Variants in TBC1D15 observed in about 807,000 individuals in gnomAD.
TBC1D15 encodes TBC1 domain family member 15.
Under a neutral mutation model 95.4 loss-of-function variants are expected in TBC1D15, and 39 were observed. That is an observed-to-expected ratio of 0.41 (90% CI 0.32 to 0.53). TBC1D15 has a LOEUF of 0.53. Ranked by LOEUF, TBC1D15 falls within the 20% of genes least tolerant of loss-of-function variation. TBC1D15 has a pLI of 0.29. For missense variants in TBC1D15, 733 were observed against 794.3 expected, an observed-to-expected ratio of 0.92 and a Z score of 0.93; for synonymous variants, 258 against 261.3, an observed-to-expected ratio of 0.99 and a Z score of 0.12.
chr12:71,878,241 T>C (rs1405619641), intron 3 of TBC1D15, among the ~76,000 whole-genome samples: 22 of 150,658 alleles, frequency 1.5e-4, no homozygotes, highest in Non-Finnish European at 2.2e-4. Flanking sequence ...TTGCTCATTG[T>C]GTTTGATTTT....
In TBC1D15 at chr12:71,913,923, A is replaced by G. The variant is rs202151549; in HGVS notation, c.1398A>G (p.Gln466=). Residue 466 remains glutamine, a synonymous_variant, in exon 12 of 17, where the codon CAA becomes CAG. Coordinates refer to ENST00000485960, the MANE Select transcript of TBC1D15 (RefSeq NM_001146213.3). ...AFWCFASYMD[Q]MHQNFEEQMQ... ...GGTGCTTTGCCTCTTACATGGACCA[A>G]ATGGTAAGAACAGAGATTCCTTCCA... is the stretch of plus-strand genomic sequence containing the variant. 6.9e-6 allele frequency: 11 copies of G among 1,585,476 alleles called. No individual in the cohort carries two copies. The highest frequency in any genetic ancestry group is 1.4e-5 in the African/African-American group (1 of 72,768).
At chr12:71,897,660 G>A (rs1032619625) in intron 9 of TBC1D15, among the ~76,000 whole-genome samples, 187 bp from the exon 10 acceptor site, 2 of 151,644 alleles carry the variant, frequency 1.3e-5, no homozygotes, top group African/African-American at 4.8e-5. Flanking sequence ...GATATTTATC[G>A]GTTATTTTTT....
chr12:71,899,833 A>G (rs1451799031), intron 10 of TBC1D15, among the ~76,000 whole-genome samples: 1 of 152,104 alleles, frequency 6.6e-6, no homozygotes, highest in Non-Finnish European at 1.5e-5. Flanking sequence ...GGTGGCTCAC[A>G]CCTGTAATCC....
Position 71,895,927 on chromosome 12 carries a change from T to C in TBC1D15, c.856-20T>C, listed in dbSNP as rs200919772. 7.5e-6 allele frequency: 12 copies of C among 1,607,616 alleles called. No individual in the cohort carries two copies. Among genetic ancestry groups the C allele is most frequent in the Non-Finnish European group, 1.0e-5 (12 of 1,176,754 alleles). ...TCACTGGTTAAATATGTACTTATTATTGCTTAATCTTATTTTTAGATTGAT... is the reference window on the plus strand; with the variant it reads ...TCACTGGTTAAATATGTACTTATTACTGCTTAATCTTATTTTTAGATTGAT... On this transcript the variant is annotated intron_variant, in intron 7 of 16. Transcript: ENST00000485960.
chr12:71,857,241 C>T (rs565321055), intron 1 of TBC1D15, among the ~76,000 whole-genome samples: 70 of 152,108 alleles, frequency 4.6e-4, no homozygotes, highest in Non-Finnish European at 2.1e-4. Flanking sequence ...TGAGACACTG[C>T]GGCTGCCCAG....
Position 71,921,383 on chromosome 12 carries a change from TC to T in TBC1D15, c.1734del (p.Met579Ter). 6.4e-7 allele frequency: 1 copy of T among 1,561,326 alleles called. No homozygotes were observed. The highest frequency in any genetic ancestry group is 8.7e-7 in the Non-Finnish European group (1 of 1,148,930). ...NEILKHINEL[S>X]MKIDVEDILC... ...TACTTTTTAGCATATCAATGAATTG[TC>T]CATGAAAATTGATGTGGAAGATATA... On this transcript the variant is annotated frameshift_variant, in exon 16 of 17. Transcript: ENST00000485960. LOFTEE classifies it high-confidence loss of function.
chr12:71,855,622 C>T lies in TBC1D15; in HGVS notation c.30+15811C>T, dbSNP rs189281681. 5.4e-4 allele frequency among the ~76,000 whole-genome samples: 76 copies of T among 141,952 alleles called. 1 individual carries two copies. In the East Asian group the frequency reaches 0.014, roughly 27 times the overall value. The allele number at this position is 141,952 out of a possible 152,430, so 93.1% of individuals were successfully genotyped here. A position where few individuals can be genotyped will look rare whatever the true frequency, so the allele number is the denominator to read the frequency against. On this transcript the variant is annotated intron_variant, in intron 1 of 16. Coordinates refer to ENST00000485960, the MANE Select transcript of TBC1D15 (RefSeq NM_001146213.3). ...GGCAGAGCTTGCAGTGAGCCAAGAT[C>T]GCACCACTGCACTCCAGCCTGGGTG...
chr12:71,903,958 C>G (rs904002270), intron 10 of TBC1D15, among the ~76,000 whole-genome samples: 4 of 152,162 alleles, frequency 2.6e-5, no homozygotes, highest in African/African-American at 9.7e-5. Context: ...CCATGACACA[C>G]CATTTACCTG....
chr12:71,894,163 T>A lies in TBC1D15; in HGVS notation c.658-523T>A, dbSNP rs529120003. On this transcript the variant is annotated intron_variant, in intron 6 of 16. Coordinates refer to ENST00000485960, the MANE Select transcript of TBC1D15 (RefSeq NM_001146213.3). ...TTTGCTGTTTTCCAGGGTAGCACTG[T>A]CCCAGAATAAATTATTCTTGTTGGC... Among the ~76,000 whole-genome samples, 38 of 152,144 alleles carry A rather than the reference T, an allele frequency of 2.5e-4. No individual in the cohort carries two copies. In the South Asian group the frequency reaches 7.7e-3, roughly 31 times the overall value.
Position 71,859,415 on chromosome 12 carries a change from T to G in TBC1D15, c.31-12655T>G, listed in dbSNP as rs150578760. ...ATAGGTTGTATCTTCATTTTGTTGC[T>G]TGTTTCCTATGCTATGCAGAAGTTA... On this transcript the variant is annotated intron_variant, in intron 1 of 16. Coordinates refer to ENST00000485960, the MANE Select transcript of TBC1D15 (RefSeq NM_001146213.3). 9.7e-4 allele frequency among the ~76,000 whole-genome samples: 147 copies of G among 152,330 alleles called. 2 individuals are homozygous for G. In the South Asian group the frequency reaches 0.01, roughly 11 times the overall value.
rs1388329053 is a variant in TBC1D15 at position 71,921,391 on chromosome 12, A to G, written c.1740A>G (p.Lys580=). Reference sequence around the variant, plus strand: ...AGCATATCAATGAATTGTCCATGAAAATTGATGTGGAAGATATACTCTGCA... The same window carrying G: ...AGCATATCAATGAATTGTCCATGAAGATTGATGTGGAAGATATACTCTGCA... ...ILKHINELSM[K]IDVEDILCKA... Residue 580 remains lysine (K), a synonymous_variant, in exon 16 of 17, where the codon AAA becomes AAG. Coordinates refer to ENST00000485960, the MANE Select transcript of TBC1D15 (RefSeq NM_001146213.3). The G allele has an allele frequency of 1.9e-6, 3 of 1,562,770 alleles. No individual in the cohort carries two copies. Among genetic ancestry groups the G allele is most frequent in the South Asian group, 1.2e-5 (1 of 81,520 alleles).
At chr12:71,920,542 A>G (rs928855720) in intron 14 of TBC1D15, among the ~76,000 whole-genome samples, 189 bp from the exon 15 acceptor site, 1 of 152,138 alleles carries the variant, frequency 6.6e-6, no homozygotes, top group Non-Finnish European at 1.5e-5. Flanking sequence ...TATAAACTCG[A>G]TGATAGTTAC....
At chr12:71,920,881 T>C (rs771776412) in intron 15 of TBC1D15, 34 bp downstream of exon 15, 23 of 1,501,014 alleles carry the variant, frequency 1.5e-5, no homozygotes, top group African/African-American at 4.2e-5. Context: ...TTTAGTGTTC[T>C]GGCTTTTCTA....
At chr12:71,851,468 A>G (rs1887812234) in intron 1 of TBC1D15, among the ~76,000 whole-genome samples, 1 of 152,174 alleles carries the variant, frequency 6.6e-6, no homozygotes, top group Non-Finnish European at 1.5e-5. Flanking sequence ...AGTCCCTCAA[A>G]GTCTTAACTC....
intron 1 of TBC1D15, among the ~76,000 whole-genome samples, chr12:71,845,890 TA>T (rs1565933990): frequency 6.6e-6 from 1 of 152,098 alleles, no homozygotes; most frequent in African/African-American, 2.4e-5. Flanking sequence ...TGGAAATAAA[TA>T]AAAATTATAA....
chr12:71,886,429 C>T (rs919208245), intron 5 of TBC1D15, among the ~76,000 whole-genome samples: 13 of 152,226 alleles, frequency 8.5e-5, no homozygotes, highest in South Asian at 8.3e-4. Context: ...CTCGGCCTCC[C>T]GAAGTGCTAG....
At chr12:71,897,717 G>T in intron 9 of TBC1D15, 130 bp from the exon 10 acceptor site, 3 of 600,112 alleles carry the variant, frequency 5.0e-6, no homozygotes, top group East Asian at 3.1e-5. Flanking sequence ...TTTTGCTATT[G>T]TTTTTATAAA....
At chr12:71,862,825 T>C (rs938423855) in intron 1 of TBC1D15, among the ~76,000 whole-genome samples, 1 of 152,254 alleles carries the variant, frequency 6.6e-6, no homozygotes, top group African/African-American at 2.4e-5. Flanking sequence ...ATGAGTTTTA[T>C]ACTTTTGTAT....
chr12:71,911,264 C>T (rs1384889750), intron 11 of TBC1D15, among the ~76,000 whole-genome samples: 2 of 152,070 alleles, frequency 1.3e-5, no homozygotes, highest in Non-Finnish European at 2.9e-5. Context: ...CCAGCCATCC[C>T]ATTACTGGGT....
Sources: gnomAD v4.1 joint callset for allele counts (sites outside exome capture counted in the v4.1 genomes callset) on GRCh38, gnomAD v4.1.1 for gene constraint, MANE v1.5 for transcripts, NCBI Gene and HGNC (gene_info 2026-07-23, HGNC 2026-07-21) for gene names.